COPS7A: variants seen among roughly 807,000 people sequenced by gnomAD.
The protein encoded by COPS7A is COP9 signalosome subunit 7A.
A neutral mutation model predicts 35.2 loss-of-function variants in COPS7A; 20 were observed. The observed-to-expected ratio is 0.57, with a 90% CI of 0.40 to 0.83. The LOEUF is 0.83. Ranked by LOEUF, COPS7A falls within the 40% of genes least tolerant of loss-of-function variation. The pLI is 0.00. For missense variants in COPS7A, 247 were observed against 347.5 expected (o/e 0.71, Z 2.30); for synonymous variants, 139 against 141.4 (o/e 0.98, Z 0.12).
Position 6,724,726 on chromosome 12 carries a change from G to C in COPS7A, c.70G>C (p.Gly24Arg), listed in dbSNP as rs1319366838. The C allele has an allele frequency of 3.1e-6, 5 of 1,614,022 alleles. No individual in the cohort carries two copies. The highest frequency in any genetic ancestry group is 1.7e-5 in the Admixed American group (1 of 59,994). ...QFLLLAKSAK[G>R]AALATLIHQV... ...TCTGCTCCTAGCCAAGTCGGCCAAG[G>C]GGGCAGCGCTGGCCACACTCATCCA... Residue 24 changes from glycine (G) to arginine (R), a missense_variant, in exon 2 of 8, where the codon GGG becomes CGG. Coordinates refer to ENST00000543155, the MANE Select transcript of COPS7A (RefSeq NM_001164094.2).
rs1941384306 is a variant in COPS7A, at chr12:6,731,096, A to G, written c.*57A>G. The G allele has an allele frequency of 3.1e-6, 5 of 1,613,814 alleles. No homozygotes were observed. The highest frequency in any genetic ancestry group is 4.2e-6 in the Non-Finnish European group (5 of 1,179,870). On this transcript the variant is annotated 3_prime_UTR_variant, in exon 8 of 8. Transcript: ENST00000543155. ...GGTCCCAGCTGCCTGCCTGCCTCTT[A>G]GGAGTCCTCAGAGAGCCTTCTGTGC...
Position 6,725,358 on chromosome 12 carries a change from T to C in COPS7A, c.162+540T>C, listed in dbSNP as rs538912962. On this transcript the variant is annotated intron_variant, in intron 2 of 7. Coordinates refer to ENST00000543155, the MANE Select transcript of COPS7A (RefSeq NM_001164094.2). ...ATTTTTAGTAGAGATGGGATTTCAC[T>C]GTGTTAGCCAGGATGATCTCGATCT... 9.9e-5 allele frequency among the ~76,000 whole-genome samples: 15 copies of C among 152,130 alleles called. No homozygotes were observed. In the East Asian group the frequency reaches 1.2e-3, roughly 12 times the overall value.
chr12:6,730,169 A>G (rs1032698173), intron 5 of COPS7A, among the ~76,000 whole-genome samples: 1 of 152,152 alleles, frequency 6.6e-6, no homozygotes, highest in Non-Finnish European at 1.5e-5. Context: ...GGCTCGTGTC[A>G]CCACATCCAG....
chr12:6,730,729 C>G lies in COPS7A; in HGVS notation c.697C>G (p.Gln233Glu). The G allele has an allele frequency of 1.2e-6, 2 of 1,614,196 alleles. No individual in the cohort carries two copies. Among genetic ancestry groups the G allele is most frequent in the Non-Finnish European group, 1.7e-6 (2 of 1,180,034 alleles). ...TTAAAAAATS[Q>E]DPEQHLTELR... ...GGCAGCAGCAGCCGCAGCCACATCTCAGGACCCTGAGCAACACCTGACTGA... is the reference window on the plus strand; with the variant it reads ...GGCAGCAGCAGCCGCAGCCACATCTGAGGACCCTGAGCAACACCTGACTGA... The change falls in exon 7 of 8, where the codon CAG (glutamine) becomes GAG (glutamate). Residue 233 changes from glutamine (Q) to glutamate (E), a missense_variant. Gln to Glu is a conservative substitution (Grantham distance 29, BLOSUM62 2). Coordinates refer to ENST00000543155, the MANE Select transcript of COPS7A (RefSeq NM_001164094.2).
rs186977045 is a variant in COPS7A, at chr12:6,731,284, C to G, written c.*245C>G. ...TTCCATTGCTCCCCGCTGCCATGCT[C>G]TCTCCCTTGTTTCCTTAAGAGCTCA... On this transcript the variant is annotated 3_prime_UTR_variant, in exon 8 of 8. Transcript: ENST00000543155. The G allele has an allele frequency of 2.4e-3, 3,484 of 1,436,678 alleles. 6 individuals carry two copies. The highest frequency in any genetic ancestry group is 3.1e-3 in the Non-Finnish European group (3,376 of 1,098,802). The allele number at this position is 1,436,678 out of a possible 1,614,324, so 89.0% of individuals were successfully genotyped here. A position where few individuals can be genotyped will look rare whatever the true frequency, so the allele number is the denominator to read the frequency against.
In COPS7A at chr12:6,728,207, T is replaced by C. The variant is rs1565467423; in HGVS notation, c.239-16T>C. 23 of 1,612,198 alleles carry C rather than the reference T, an allele frequency of 1.4e-5. No homozygotes were observed. The highest frequency in any genetic ancestry group is 8.9e-5 in the East Asian group (4 of 44,890). On this transcript the variant is annotated splice_polypyrimidine_tract_variant and intron_variant, in intron 3 of 7. Coordinates refer to ENST00000543155, the MANE Select transcript of COPS7A (RefSeq NM_001164094.2). ...ACTGAAATCAGGATTCCTTACACTTTGTCGTTTTTCCCTAGCTGAAGCCCG... is the reference window on the plus strand; with the variant it reads ...ACTGAAATCAGGATTCCTTACACTTCGTCGTTTTTCCCTAGCTGAAGCCCG...
chr12:6,729,575 G>A lies in COPS7A; in HGVS notation c.530+126G>A, dbSNP rs1941341608. The A allele has an allele frequency of 1.2e-5, 12 of 996,676 alleles. No individual in the cohort carries two copies. The highest frequency in any genetic ancestry group is 1.6e-5 in the African/African-American group (1 of 61,834). 61.7% of individuals were successfully genotyped at this position (996,676 alleles called of 1,614,324 possible). ...AACCCAAGAGGATGAAGGGAAATGA[G>A]TTCATCCCTCCAAAGGCTTCTGGGG... On this transcript the variant is annotated intron_variant, in intron 5 of 7. Coordinates refer to ENST00000543155, the MANE Select transcript of COPS7A (RefSeq NM_001164094.2). This position sits in a 1 kb window ranked among gnomAD's most constrained non-coding sequence, Gnocchi z 4.2.
intron 2 of COPS7A, chr12:6,727,606 T>A: frequency 6.0e-6 from 3 of 501,548 alleles, no homozygotes; most frequent in Non-Finnish European, 7.7e-6. Flanking sequence ...GCAACACAAT[T>A]TGCAGTGTCT....
chr12:6,724,853 G>A (rs374579236), intron 2 of COPS7A, 35 bp downstream of exon 2: 3 of 1,606,832 alleles, frequency 1.9e-6, no homozygotes, highest in Non-Finnish European at 2.6e-6. Context: ...TCAGAGAAGC[G>A]TGGGCAAAGG....
chr12:6,725,361 G>A lies in COPS7A; in HGVS notation c.162+543G>A, dbSNP rs367946776. Among the ~76,000 whole-genome samples the A allele has an allele frequency of 1.6e-4, 24 of 152,168 alleles. No homozygotes were observed. The East Asian group carries it at 4.3e-3, about 27-fold the overall frequency. ...TTTAGTAGAGATGGGATTTCACTGT[G>A]TTAGCCAGGATGATCTCGATCTCCT... On this transcript the variant is annotated intron_variant, in intron 2 of 7. Coordinates refer to ENST00000543155, the MANE Select transcript of COPS7A (RefSeq NM_001164094.2).
At chr12:6,725,410 AC>A (rs1941228244) in intron 2 of COPS7A, among the ~76,000 whole-genome samples, 1 of 151,292 alleles carries the variant, frequency 6.6e-6, no homozygotes, top group African/African-American at 2.4e-5. Flanking sequence ...GCCCGCCTTG[AC>A]CTCCCAAGGT....
rs1432206045 is a variant in COPS7A at position 6,724,614 on chromosome 12, C to T, written c.-43C>T. Reference sequence around the variant, plus strand: ...AGCTTCACATCCTCTTTCCTTGCAGCTCTGGACATCCTGAGCCCAAGTCCC... The same window carrying T: ...AGCTTCACATCCTCTTTCCTTGCAGTTCTGGACATCCTGAGCCCAAGTCCC... On this transcript the variant is annotated splice_region_variant and 5_prime_UTR_variant, in exon 2 of 8. Coordinates refer to ENST00000543155, the MANE Select transcript of COPS7A (RefSeq NM_001164094.2). 6.2e-7 allele frequency: 1 copy of T among 1,613,004 alleles called. No individual in the cohort carries two copies.
At position 6,731,093 on chromosome 12, in the gene COPS7A, C is replaced by T; in HGVS notation, c.*54C>T. 1 of 1,613,904 alleles carries T rather than the reference C, an allele frequency of 6.2e-7. No individual in the cohort carries two copies. Among genetic ancestry groups the T allele is most frequent in the East Asian group, 2.2e-5 (1 of 44,868 alleles). On this transcript the variant is annotated 3_prime_UTR_variant, in exon 8 of 8. Transcript: ENST00000543155. ...TGGGGTCCCAGCTGCCTGCCTGCCTCTTAGGAGTCCTCAGAGAGCCTTCTG... is the reference window on the plus strand; with the variant it reads ...TGGGGTCCCAGCTGCCTGCCTGCCTTTTAGGAGTCCTCAGAGAGCCTTCTG...
Position 6,729,564 on chromosome 12 carries a change from A to T in COPS7A, c.530+115A>T. On this transcript the variant is annotated intron_variant, in intron 5 of 7. Transcript: ENST00000543155. The surrounding 1 kb of genome is among the most constrained non-coding windows in gnomAD (Gnocchi z 4.2). ...CGCAGAGGTGGAACCCAAGAGGATG[A>T]AGGGAAATGAGTTCATCCCTCCAAA... 1.8e-6 allele frequency: 2 copies of T among 1,100,884 alleles called. No homozygotes were observed. Among genetic ancestry groups the T allele is most frequent in the Non-Finnish European group, 2.6e-6 (2 of 773,370 alleles). 68.2% of individuals were successfully genotyped at this position (1,100,884 alleles called of 1,614,324 possible). A position where few individuals can be genotyped will look rare whatever the true frequency, so the allele number is the denominator to read the frequency against.
rs146292223 is a variant in COPS7A, at chr12:6,729,410, G to C, written c.491G>C (p.Arg164Pro). 1 of 1,614,060 alleles carries C rather than the reference G, an allele frequency of 6.2e-7. No homozygotes were observed. The highest frequency in any genetic ancestry group is 8.5e-7 in the Non-Finnish European group (1 of 1,180,036). The change falls in exon 5 of 8, where the codon CGC (arginine) becomes CCC (proline). Residue 164 changes from arginine to proline, a missense_variant. Physicochemically the swap from Arg to Pro is moderately radical, Grantham distance 103 (BLOSUM62 -2). Transcript: ENST00000543155. The surrounding 1 kb of genome is among the most constrained non-coding windows in gnomAD (Gnocchi z 4.2). ...VDYSIGRDIQ[R>P]QDLSAIARTL... Reference sequence around the variant, plus strand: ...TACAGCATCGGGCGGGACATCCAGCGCCAGGACCTCAGTGCCATTGCCCGA... The same window carrying C: ...TACAGCATCGGGCGGGACATCCAGCCCCAGGACCTCAGTGCCATTGCCCGA...
chr12:6,730,637 C>T (rs770530289), intron 6 of COPS7A, 32 bp from the exon 7 acceptor site: 1 of 1,613,350 alleles, frequency 6.2e-7, no homozygotes, highest in Non-Finnish European at 8.5e-7. Flanking sequence ...CTGGAACCTT[C>T]CTTGCTATCC....
rs1166635597 is a variant in COPS7A at position 6,729,825 on chromosome 12, T to A, written c.530+376T>A. Among the ~76,000 whole-genome samples, 8 of 152,134 alleles carry A rather than the reference T, an allele frequency of 5.3e-5. No individual in the cohort carries two copies. The highest frequency in any genetic ancestry group is 8.8e-5 in the Non-Finnish European group (6 of 68,006). ...TTTGTGTCCCCATCTAACTTCAGGG[T>A]TTCTGTATTCATTAAGTCACCTCTT... is the stretch of plus-strand genomic sequence containing the variant. On this transcript the variant is annotated intron_variant, in intron 5 of 7. Coordinates refer to ENST00000543155, the MANE Select transcript of COPS7A (RefSeq NM_001164094.2). The surrounding 1 kb of genome is among the most constrained non-coding windows in gnomAD (Gnocchi z 4.2).
intron 2 of COPS7A, among the ~76,000 whole-genome samples, chr12:6,726,975 G>A (rs1434698288): frequency 6.6e-6 from 1 of 152,206 alleles, no homozygotes; most frequent in Non-Finnish European, 1.5e-5. Context: ...GGATACCTGA[G>A]ACTGGGTCTA....
At position 6,724,358 on chromosome 12, in the gene COPS7A, C is replaced by T. The variant is rs117969454; in HGVS notation, c.-44+179C>T. 7.0e-3 allele frequency: 3,452 copies of T among 496,172 alleles called. 19 individuals are homozygous for T. Among genetic ancestry groups the T allele is most frequent in the Non-Finnish European group, 0.011 (2,941 of 259,664 alleles). 30.7% of individuals were successfully genotyped at this position (496,172 alleles called of 1,614,324 possible). On this transcript the variant is annotated intron_variant, in intron 1 of 7. Coordinates refer to ENST00000543155, the MANE Select transcript of COPS7A (RefSeq NM_001164094.2). ...GGACACCATGCGACACCCATTTCTC[C>T]TTTGCATCCTGTGTCTTGGGGTTCA...
Sources: allele counts gnomAD v4.1 joint callset (sites outside exome capture counted in the v4.1 genomes callset), GRCh38; gene constraint gnomAD v4.1.1; non-coding constraint Gnocchi (gnomAD v3.1); transcripts MANE v1.5; gene names NCBI Gene and HGNC (gene_info 2026-07-23, HGNC 2026-07-21).